The following ITGA4 variants were observed in gnomAD, a reference collection of about 807,000 sequenced individuals.
ITGA4 encodes the protein integrin subunit alpha 4.
In ITGA4, 63 loss-of-function variants were observed where a neutral mutation model predicts 133.6. The observed-to-expected ratio is 0.47, with a 90% CI of 0.38 to 0.58. The LOEUF is 0.58. ITGA4 is among the 20% of genes least tolerant of loss of function. The pLI is 0.00. For missense variants in ITGA4, 1,076 were observed against 1,252.7 expected, an observed-to-expected ratio of 0.86 and a Z score of 2.13; for synonymous variants, 483 against 438.0, an observed-to-expected ratio of 1.10 and a Z score of -1.28.
At chr2:181,482,756 A>G in intron 9 of ITGA4, 105 bp downstream of exon 9, 1 of 1,071,292 alleles carries the variant, frequency 9.3e-7, no homozygotes. Flanking sequence ...TCTTTTATTG[A>G]CAAAAGTTAA....
At chr2:181,535,400 A>G (rs1391940721) in intron 27 of ITGA4, 32 bp from the exon 28 acceptor site, 5 of 1,513,624 alleles carry the variant, frequency 3.3e-6, no homozygotes, top group African/African-American at 1.4e-5. Flanking sequence ...GTTCATAACT[A>G]TACACTAGTG....
At chr2:181,496,716 TATA>T (rs1181276887) in intron 14 of ITGA4, among the ~76,000 whole-genome samples, 2 of 152,194 alleles carry the variant, frequency 1.3e-5, no homozygotes, top group Non-Finnish European at 2.9e-5. Context: ...TTTAGGCTAA[TATA>T]AGAATAACTA....
intron 2 of ITGA4, among the ~76,000 whole-genome samples, chr2:181,474,624 T>G (rs545267879): frequency 6.6e-6 from 1 of 152,352 alleles, no homozygotes; most frequent in South Asian, 2.1e-4. Flanking sequence ...AATGGCTAAT[T>G]CTTTTCCAAA....
chr2:181,525,254 A>G lies in ITGA4; in HGVS notation c.2302A>G (p.Ile768Val), dbSNP rs200999661. 111 of 1,606,756 alleles carry G rather than the reference A, an allele frequency of 6.9e-5. No individual in the cohort carries two copies. Among genetic ancestry groups the G allele is most frequent in the Non-Finnish European group, 9.2e-5 (108 of 1,173,826 alleles). The change falls in exon 21 of 28, where the codon ATA becomes GTA. Residue 768 changes from isoleucine to valine, a missense_variant. This residue lies in a region of ITGA4 where 365 missense variants were observed against 421.4 expected (regional missense o/e 0.87). Coordinates refer to ENST00000397033, the MANE Select transcript of ITGA4 (RefSeq NM_000885.6). ...NLKHSRVTVA[I>V]PLKYEVKLTV... ...AAAGCACAGCAGAGTGACTGTAGCAATACCTTTAAAATATGAGGTTAAGCT... is the reference window on the plus strand; with the variant it reads ...AAAGCACAGCAGAGTGACTGTAGCAGTACCTTTAAAATATGAGGTTAAGCT...
chr2:181,508,461 C>T (rs1006709668), intron 15 of ITGA4, among the ~76,000 whole-genome samples: 2 of 151,842 alleles, frequency 1.3e-5, no homozygotes, highest in Admixed American at 6.6e-5. Flanking sequence ...TTTGGGAGGC[C>T]GAGTGGGGTG....
At position 181,458,223 on chromosome 2, in the gene ITGA4, C is replaced by T; in HGVS notation, c.225C>T (p.Asn75=). The change falls in exon 2 of 28, where the codon AAC becomes AAT. Residue 75 remains asparagine, a synonymous_variant. Coordinates refer to ENST00000397033, the MANE Select transcript of ITGA4 (RefSeq NM_000885.6). ...TCCTAGTGGGTGCGCCCACTGCCAA[C>T]TGGCTCGCCAACGCTTCAGTGATCA... is the stretch of plus-strand genomic sequence containing the variant. ...RWLLVGAPTA[N]WLANASVINP... 1.9e-6 allele frequency: 3 copies of T among 1,613,964 alleles called. No individual in the cohort carries two copies. Among genetic ancestry groups the T allele is most frequent in the Non-Finnish European group, 2.5e-6 (3 of 1,179,926 alleles).
In ITGA4 at chr2:181,537,437, G is replaced by T. The variant is rs1401788398; in HGVS notation, c.*1910G>T. On this transcript the variant is annotated 3_prime_UTR_variant, in exon 28 of 28. Transcript: ENST00000397033. Reference sequence around the variant, plus strand: ...TTGTTATCAACTTACTTTGTTACTTGTATCATGAATTTTAAAACCCTACCA... The same window carrying T: ...TTGTTATCAACTTACTTTGTTACTTTTATCATGAATTTTAAAACCCTACCA... 1.1e-5 allele frequency: 5 copies of T among 453,846 alleles called. No homozygotes were observed. The highest frequency in any genetic ancestry group is 2.0e-5 in the African/African-American group (1 of 50,062). The allele number at this position is 453,846 out of a possible 1,614,324, so 28.1% of individuals were successfully genotyped here. A position where few individuals can be genotyped will look rare whatever the true frequency, so the allele number is the denominator to read the frequency against.
chr2:181,467,284 A>G (rs181663606), intron 2 of ITGA4, among the ~76,000 whole-genome samples: 6 of 152,122 alleles, frequency 3.9e-5, no homozygotes, highest in Non-Finnish European at 8.8e-5. Flanking sequence ...GAAACTTCAC[A>G]TCACATCATG....
chr2:181,486,301 A>AT (rs1483371314), intron 10 of ITGA4: 1 of 221,520 alleles, frequency 4.5e-6, no homozygotes, highest in Non-Finnish European at 8.8e-6. Flanking sequence ...TACACCCACC[A>AT]TTTTTCTGTT....
intron 10 of ITGA4, among the ~76,000 whole-genome samples, chr2:181,492,659 A>G (rs980767139): frequency 6.6e-6 from 1 of 152,150 alleles, no homozygotes; most frequent in African/African-American, 2.4e-5. Context: ...TTCCCTTGGT[A>G]TCATAGTCTG....
At chr2:181,530,393 T>A (rs1268005240) in intron 23 of ITGA4, 131 bp from the exon 24 acceptor site, 8 of 802,042 alleles carry the variant, frequency 1.0e-5, no homozygotes, top group Non-Finnish European at 1.5e-5. Flanking sequence ...GTCAAAAAAA[T>A]TTCTACAATT....
At position 181,536,716 on chromosome 2, in the gene ITGA4, T is replaced by G. The variant is rs1470030360; in HGVS notation, c.*1189T>G. ...ATTTTTATAGTTTGTTCATACTATA[T>G]GAGGTTCTATTTTAAATGACTTTCT... On this transcript the variant is annotated 3_prime_UTR_variant, in exon 28 of 28. Transcript: ENST00000397033. 1 of 236,938 alleles carries G rather than the reference T, an allele frequency of 4.2e-6. No homozygotes were observed. Among genetic ancestry groups the G allele is most frequent in the East Asian group, 1.1e-4 (1 of 9,232 alleles). The allele number at this position is 236,938 out of a possible 1,614,324, so 14.7% of individuals were successfully genotyped here. A position where few individuals can be genotyped will look rare whatever the true frequency, so the allele number is the denominator to read the frequency against.
intron 25 of ITGA4, among the ~76,000 whole-genome samples, chr2:181,532,202 G>C (rs1438208245): frequency 6.6e-6 from 1 of 152,150 alleles, no homozygotes; most frequent in African/African-American, 2.4e-5. Flanking sequence ...GATGCCTCCA[G>C]CTTTCTTTTT....
rs201234406 is a variant in ITGA4 at position 181,493,283 on chromosome 2, G to A, written c.1154-42G>A. 1.4e-4 allele frequency: 189 copies of A among 1,349,366 alleles called. 3 individuals are homozygous for A. In the South Asian group the frequency reaches 2.1e-3, roughly 15 times the overall value. The allele number at this position is 1,349,366 out of a possible 1,614,324, so 83.6% of individuals were successfully genotyped here. A position where few individuals can be genotyped will look rare whatever the true frequency, so the allele number is the denominator to read the frequency against. On this transcript the variant is annotated intron_variant, in intron 10 of 27. Transcript: ENST00000397033. ...GTTAGTTTTCGAAGTTGCATTCTTT[G>A]TATCAAGAATTTATTTTTCCATTGT...
At chr2:181,491,134 T>G (rs1686043428) in intron 10 of ITGA4, among the ~76,000 whole-genome samples, 1 of 152,224 alleles carries the variant, frequency 6.6e-6, no homozygotes, top group Non-Finnish European at 1.5e-5. Flanking sequence ...GTCCTCTGTA[T>G]GGAAAAAAAT....
intron 17 of ITGA4, among the ~76,000 whole-genome samples, chr2:181,519,563 T>A (rs1362720606): frequency 6.6e-6 from 1 of 152,134 alleles, no homozygotes; most frequent in African/African-American, 2.4e-5. Flanking sequence ...TCCAAAATTA[T>A]TTTATTTGCA....
chr2:181,489,543 TGAA>T (rs10538820), intron 10 of ITGA4, among the ~76,000 whole-genome samples: 123,781 of 152,010 alleles, frequency 0.81, 51,065 homozygotes, highest in Middle Eastern at 0.96. Flanking sequence ...ACTATATGTC[TGAA>T]TATTTTTAGA....
At position 181,499,796 on chromosome 2, in the gene ITGA4, C is replaced by T. The variant is rs145999586; in HGVS notation, c.1695+1019C>T. On this transcript the variant is annotated intron_variant, in intron 15 of 27. Coordinates refer to ENST00000397033, the MANE Select transcript of ITGA4 (RefSeq NM_000885.6). The stretch of plus-strand genomic sequence containing the variant: ...TCTTTTTTTCATGCTTCATAGATGT[C>T]GTTTTACTTACCTTAGTCAATTGTA... Among the ~76,000 whole-genome samples, 86 of 151,982 alleles carry T rather than the reference C, an allele frequency of 5.7e-4. 2 individuals carry two copies. In the East Asian group the frequency reaches 0.013, roughly 24 times the overall value.
At chr2:181,484,849 C>G (rs1685878812) in intron 9 of ITGA4, among the ~76,000 whole-genome samples, 1 of 152,152 alleles carries the variant, frequency 6.6e-6, no homozygotes, top group Non-Finnish European at 1.5e-5. Context: ...AGACAAAAAT[C>G]AGAATTTTTC....
Sources: allele counts gnomAD v4.1 joint callset (sites outside exome capture counted in the v4.1 genomes callset), GRCh38; gene constraint gnomAD v4.1.1; regional missense constraint gnomAD v4.1.1; transcripts MANE v1.5; gene names NCBI Gene and HGNC (gene_info 2026-07-23, HGNC 2026-07-21).